Variants in ADGRL1 observed in about 807,000 individuals in gnomAD.
ADGRL1 encodes adhesion G protein-coupled receptor L1.
A neutral mutation model predicts 148.9 loss-of-function variants in ADGRL1; 31 were observed. The observed-to-expected ratio is 0.21, with a 90% confidence interval of 0.16 to 0.28. The LOEUF (loss-of-function observed/expected upper bound fraction) is 0.28. ADGRL1 is among the 10% of genes least tolerant of loss of function. The probability of loss-of-function intolerance (pLI) is 1.00; values close to 1 mark genes in which losing one functional copy is unlikely to be tolerated. For missense variants in ADGRL1, 1,521 were observed against 2,058.8 expected (o/e 0.74, Z 5.05); for synonymous variants, 937 against 900.3 (o/e 1.04, Z -0.73).
intron 22 of ADGRL1, among the ~76,000 whole-genome samples, chr19:14,151,882 A>G (rs1968234443): frequency 6.6e-6 from 1 of 152,176 alleles, no homozygotes; most frequent in Non-Finnish European, 1.5e-5. Flanking sequence ...TCAGAATCTC[A>G]GCAGTGTGAG....
Position 14,205,428 on chromosome 19 carries a change from T to C in ADGRL1, c.-96+557A>G, listed in dbSNP as rs1599538786. The stretch of plus-strand genomic sequence containing the variant: ...GGACACCCAGACGGACCCCTCCCCA[T>C]CCCCCGCGCCACTGCCTCCCAGAGA... On this transcript the variant is annotated intron_variant, in intron 1 of 22. Coordinates refer to ENST00000361434, the MANE Select transcript of ADGRL1 (RefSeq NM_014921.5). 2.7e-5 allele frequency among the ~76,000 whole-genome samples: 4 copies of C among 147,484 alleles called. No homozygotes were observed. The South Asian group carries it at 6.6e-4, about 24-fold the overall frequency.
intron 1 of ADGRL1, among the ~76,000 whole-genome samples, chr19:14,187,056 G>T (rs1015485636): frequency 6.6e-6 from 1 of 152,186 alleles, no homozygotes; most frequent in Non-Finnish European, 1.5e-5. Flanking sequence ...ATCAGCACAC[G>T]GCTGGGCACG....
intron 4 of ADGRL1, among the ~76,000 whole-genome samples, chr19:14,167,898 G>A (rs974840676): frequency 3.9e-5 from 6 of 152,058 alleles, no homozygotes; most frequent in Admixed American, 3.3e-4. Context: ...CCCAGGAGCT[G>A]GGAGCTCCGC....
At chr19:14,177,078 A>G (rs946238167) in intron 3 of ADGRL1, among the ~76,000 whole-genome samples, 4 of 151,980 alleles carry the variant, frequency 2.6e-5, no homozygotes, top group Non-Finnish European at 4.4e-5. Context: ...AAATACAAAA[A>G]AATTAGTCAG....
chr19:14,185,027 C>T (rs1324665808), intron 1 of ADGRL1, among the ~76,000 whole-genome samples: 2 of 152,120 alleles, frequency 1.3e-5, no homozygotes, highest in Non-Finnish European at 2.9e-5. Flanking sequence ...AAGGGATCTT[C>T]CTGCCTGGGC....
chr19:14,167,053 G>C (rs775276757), intron 4 of ADGRL1: 3 of 1,592,118 alleles, frequency 1.9e-6, no homozygotes, highest in Non-Finnish European at 2.6e-6. Flanking sequence ...TCGGAAGAGA[G>C]AGAGAAAACA....
At chr19:14,185,451 G>A (rs1325369709) in intron 1 of ADGRL1, among the ~76,000 whole-genome samples, 2 of 151,958 alleles carry the variant, frequency 1.3e-5, no homozygotes, top group Non-Finnish European at 2.9e-5. Context: ...TCGCCACCAC[G>A]CCCAGCTAAT....
chr19:14,167,327 G>T (rs562963942), intron 4 of ADGRL1, among the ~76,000 whole-genome samples: 228 of 152,106 alleles, frequency 1.5e-3, no homozygotes, highest in Non-Finnish European at 2.3e-3. Flanking sequence ...ACACAGGGGT[G>T]GTAGGGGGGT....
intron 1 of ADGRL1, chr19:14,190,893 G>C (rs1424808806): frequency 2.8e-6 from 1 of 360,732 alleles, no homozygotes; most frequent in Non-Finnish European, 5.5e-6. Flanking sequence ...TTCAAGACCA[G>C]CCTGGCCAAC....
rs1184107239 is a variant in ADGRL1 at position 14,155,572 on chromosome 19, A to T, written c.3126-45T>A. ...GGAGTCAAAGTACCCGCCGGAGGGG[A>T]CGGCCTCAGCCCAGGCCTCCCCTGC... is the stretch of plus-strand genomic sequence containing the variant. On this transcript the variant is annotated intron_variant, in intron 17 of 22. Coordinates refer to ENST00000361434, the MANE Select transcript of ADGRL1 (RefSeq NM_014921.5). The surrounding 1 kb of genome is among the most constrained non-coding windows in gnomAD (Gnocchi z 5.0). The T allele has an allele frequency of 6.2e-7, 1 of 1,602,878 alleles. No individual in the cohort carries two copies. The highest frequency in any genetic ancestry group is 8.5e-7 in the Non-Finnish European group (1 of 1,174,496).
At chr19:14,158,166 G>A in intron 12 of ADGRL1, 114 bp from the exon 13 acceptor site, 1 of 1,290,142 alleles carries the variant, frequency 7.8e-7, no homozygotes, top group Non-Finnish European at 1.1e-6. Flanking sequence ...AGTGCCTGGG[G>A]TCTGGGGCTC....
intron 1 of ADGRL1, among the ~76,000 whole-genome samples, chr19:14,184,646 A>ATTTTT (rs368698858): frequency 1.1e-4 from 11 of 97,730 alleles, no homozygotes; most frequent in African/African-American, 2.1e-4. Flanking sequence ...TTATTTATTT[A>ATTTTT]TTTTTTTTTC....
At chr19:14,200,424 A>G (rs2145172288) in intron 1 of ADGRL1, among the ~76,000 whole-genome samples, 1 of 152,300 alleles carries the variant, frequency 6.6e-6, no homozygotes, top group East Asian at 1.9e-4. Flanking sequence ...AGGGTCGGCC[A>G]ACCATGGTCA....
chr19:14,167,051 G>C (rs769627419), intron 4 of ADGRL1: 2 of 1,595,392 alleles, frequency 1.3e-6, no homozygotes, highest in South Asian at 2.2e-5. Flanking sequence ...CATCGGAAGA[G>C]AGAGAGAAAA....
In ADGRL1 at chr19:14,158,532, T is replaced by C; in HGVS notation, c.2170A>G (p.Ile724Val). The change falls in exon 12 of 23, where the codon ATC (isoleucine) becomes GTC (valine). Residue 724 changes from isoleucine (I) to valine (V), a missense_variant. By Grantham distance (29) the Ile-to-Val change is conservative (BLOSUM62 3). Transcript: ENST00000361434. ...AAGAGGCCCAGGTTGTTGTAGAGGA[T>C]GAAGACAACTTTGACCACCCCTGGT... ...SRNGVVKVVF[I>V]LYNNLGLFLS... The C allele has an allele frequency of 6.2e-7, 1 of 1,613,948 alleles. No individual in the cohort carries two copies. The highest frequency in any genetic ancestry group is 1.1e-5 in the South Asian group (1 of 91,088).
At chr19:14,151,931 C>T (rs1280832539) in intron 22 of ADGRL1, among the ~76,000 whole-genome samples, 1 of 152,144 alleles carries the variant, frequency 6.6e-6, no homozygotes, top group Non-Finnish European at 1.5e-5. Context: ...GTGCTCAGAC[C>T]CTCAGCACTT....
rs1180472740 is a variant in ADGRL1, at chr19:14,160,830, A to AG, written c.1511-135_1511-134insC. The AG allele has an allele frequency of 5.1e-5, 35 of 692,574 alleles. 1 individual carries two copies. The highest frequency in any genetic ancestry group is 2.8e-4 in the South Asian group (18 of 64,032). 42.9% of individuals were successfully genotyped at this position (692,574 alleles called of 1,614,324 possible). On this transcript the variant is annotated intron_variant, in intron 6 of 22. Transcript: ENST00000361434. The surrounding 1 kb of genome is among the most constrained non-coding windows in gnomAD (Gnocchi z 5.9). ...AGAGGGAGGTGAGGGAAACACGGAG[A>AG]AACAGACATGAAGCGGGCTGGACAG...
At chr19:14,167,806 G>A (rs766788017) in intron 4 of ADGRL1, among the ~76,000 whole-genome samples, 3 of 152,086 alleles carry the variant, frequency 2.0e-5, no homozygotes, top group South Asian at 2.1e-4. Flanking sequence ...GACAGCAAGT[G>A]GGGGCACAGA....
At position 14,159,498 on chromosome 19, in the gene ADGRL1, C is replaced by T. The variant is rs74707919; in HGVS notation, c.1926G>A (p.Thr642=). 566 of 1,613,186 alleles carry T rather than the reference C, an allele frequency of 3.5e-4. 4 individuals carry two copies. The East Asian group carries it at 0.01, about 29-fold the overall frequency. ...KDMNATEQVH[T]ATMLLDVLEE... is the part of the protein sequence containing the mutation. ...CCAGGACGTCGAGGAGCATGGTGGC[C>T]GTGTGCACCTGCTCCGTGGCATTCA... The change falls in exon 10 of 23, where the codon ACG becomes ACA. Residue 642 remains threonine (T), a synonymous_variant. Transcript: ENST00000361434. The surrounding 1 kb of genome is among the most constrained non-coding windows in gnomAD (Gnocchi z 6.0).
Sources: allele counts gnomAD v4.1 joint callset (sites outside exome capture counted in the v4.1 genomes callset), GRCh38; gene constraint gnomAD v4.1.1; non-coding constraint Gnocchi (gnomAD v3.1); transcripts MANE v1.5; gene names NCBI Gene and HGNC (gene_info 2026-07-23, HGNC 2026-07-21).